Variants in HMCN2 observed in about 807,000 individuals in gnomAD.
The protein encoded by HMCN2 is hemicentin-2.
Under a neutral mutation model 377.5 loss-of-function variants are expected in HMCN2, and 325 were observed. The observed-to-expected ratio is 0.86, with a 90% CI of 0.79 to 0.94. HMCN2 has a LOEUF of 0.94. Among genes scored for constraint, HMCN2 ranks in the 40% least tolerant of loss-of-function variants. The pLI is 0.00. For synonymous variants in HMCN2, 2,007 were observed against 2,046.8 expected (o/e 0.98, Z 0.53); for missense variants, 4,543 against 4,725.3 (o/e 0.96, Z 1.13).
chr9:130,314,970 G>A (rs1340149267), intron 15 of HMCN2, among the ~76,000 whole-genome samples: 1 of 151,934 alleles, frequency 6.6e-6, no homozygotes, highest in Non-Finnish European at 1.5e-5. Context: ...AGCAGCAGGC[G>A]CAGGGGAGTC....
chr9:130,278,100 CATT>C lies in HMCN2; in HGVS notation c.260-6502_260-6500del, dbSNP rs1214419674. ...TCATCATCACCACCACCACTATCAT[CATT>C]GTTTTTTTGTTTGTTTGGTTGGTTG... On this transcript the variant is annotated intron_variant, in intron 1 of 97. Coordinates refer to ENST00000683500, the MANE Select transcript of HMCN2 (RefSeq NM_001291815.2). 2.6e-5 allele frequency among the ~76,000 whole-genome samples: 4 copies of C among 152,152 alleles called. 1 individual carries two copies. The highest frequency in any genetic ancestry group is 9.7e-5 in the African/African-American group (4 of 41,426).
At chr9:130,343,656 C>T (rs999735371) in intron 25 of HMCN2, among the ~76,000 whole-genome samples, 2 of 152,190 alleles carry the variant, frequency 1.3e-5, no homozygotes, top group African/African-American at 4.8e-5. Context: ...GGGACCCACC[C>T]AGCCCCTGAC....
At position 130,428,338 on chromosome 9, in the gene HMCN2, C is replaced by T; in HGVS notation, c.14066-20C>T. On this transcript the variant is annotated intron_variant, in intron 92 of 97. Transcript: ENST00000683500. This position sits in a 1 kb window ranked among gnomAD's most constrained non-coding sequence, Gnocchi z 5.0. ...CTGGGGATCATGTTCACACAGCCGT[C>T]TGCCCTGATCTGCCCCCAGATGTGG... 6.5e-7 allele frequency: 1 copy of T among 1,532,506 alleles called. No individual in the cohort carries two copies. The highest frequency in any genetic ancestry group is 1.2e-5 in the South Asian group (1 of 82,652). 94.9% of individuals were successfully genotyped at this position (1,532,506 alleles called of 1,614,324 possible). A position where few individuals can be genotyped will look rare whatever the true frequency, so the allele number is the denominator to read the frequency against.
At chr9:130,325,049 T>A (rs1838054876) in intron 19 of HMCN2, among the ~76,000 whole-genome samples, 1 of 151,450 alleles carries the variant, frequency 6.6e-6, no homozygotes. Context: ...TCCCCCAACC[T>A]GGCAACCACT....
intron 1 of HMCN2, among the ~76,000 whole-genome samples, chr9:130,268,365 A>C (rs1309820460): frequency 1.6e-5 from 2 of 124,374 alleles, no homozygotes; most frequent in Admixed American, 7.7e-5. Flanking sequence ...TTAGCTTCCG[A>C]GTGACACCCC....
intron 43 of HMCN2, among the ~76,000 whole-genome samples, chr9:130,366,388 T>G (rs927595620): frequency 6.6e-6 from 1 of 152,000 alleles, no homozygotes; most frequent in Non-Finnish European, 1.5e-5. Context: ...TGAGGCACCA[T>G]GTTGACCACC....
In HMCN2 at chr9:130,303,535, G is replaced by T; in HGVS notation, c.1470G>T (p.Glu490Asp). ...SWEILRASKA[E>D]EGTYECTAVS... ...AGATCCTGCGGGCCTCCAAGGCCGA[G>T]GAGGGCACGTACGAGTGCACAGCCG... The change falls in exon 10 of 98, where the codon GAG becomes GAT. Residue 490 changes from glutamate to aspartate, a missense_variant. Transcript: ENST00000683500. This position sits in a 1 kb window ranked among gnomAD's most constrained non-coding sequence, Gnocchi z 5.2. The T allele has an allele frequency of 4.6e-6, 2 of 435,770 alleles. No homozygotes were observed. Among genetic ancestry groups the T allele is most frequent in the African/African-American group, 2.0e-5 (1 of 48,784 alleles). The allele number at this position is 435,770 out of a possible 1,614,324, so 27.0% of individuals were successfully genotyped here.
rs1479021829 is a variant in HMCN2 at position 130,416,096 on chromosome 9, CTTTA to C, written c.12962-2672_12962-2669del. ...CTGTTCTTATCCAAAGTTCTAGAGG[CTTTA>C]TTTTTTTTTTTTTTTTTTTTTGGAG... On this transcript the variant is annotated intron_variant, in intron 85 of 97. Coordinates refer to ENST00000683500, the MANE Select transcript of HMCN2 (RefSeq NM_001291815.2). Among the ~76,000 whole-genome samples, 274 of 91,904 alleles carry C rather than the reference CTTTA, an allele frequency of 3.0e-3. 5 individuals are homozygous for C. Among genetic ancestry groups the C allele is most frequent in the African/African-American group, 0.011 (254 of 22,884 alleles). The allele number at this position is 91,904 out of a possible 152,430, so 60.3% of individuals were successfully genotyped here.
chr9:130,351,374 A>G lies in HMCN2; in HGVS notation c.4431-49A>G, dbSNP rs556236187. 3.5e-3 allele frequency: 4,431 copies of G among 1,271,830 alleles called. 12 individuals carry two copies. Among genetic ancestry groups the G allele is most frequent in the Admixed American group, 5.1e-3 (213 of 41,982 alleles). 78.8% of individuals were successfully genotyped at this position (1,271,830 alleles called of 1,614,324 possible). ...ACACTCCCTGTGTGCAGCGTGTCCC[A>G]TCCAGCCCCTCGGCCTTACTGGCGC... On this transcript the variant is annotated intron_variant, in intron 29 of 97. Transcript: ENST00000683500. This position sits in a 1 kb window ranked among gnomAD's most constrained non-coding sequence, Gnocchi z 5.4.
Position 130,368,345 on chromosome 9 carries a change from G to C in HMCN2, c.6695G>C (p.Gly2232Ala). Residue 2232 changes from glycine (G) to alanine (A), a missense_variant, in exon 44 of 98, where the codon GGA becomes GCA. By Grantham distance (60) the Gly-to-Ala change is moderately conservative. Transcript: ENST00000683500. ...VSAVGRLLYL[G>A]QAQLAQEGTY... ...GCTGTGGGGAGGCTGTTGTACCTGG[G>C]ACAGGCCCAGCTGGCTCAGGAAGGA... 1 of 985,814 alleles carries C rather than the reference G, an allele frequency of 1.0e-6. No individual in the cohort carries two copies. The highest frequency in any genetic ancestry group is 1.2e-6 in the Non-Finnish European group (1 of 829,968). 61.1% of individuals were successfully genotyped at this position (985,814 alleles called of 1,614,324 possible). A position where few individuals can be genotyped will look rare whatever the true frequency, so the allele number is the denominator to read the frequency against.
At chr9:130,427,256 G>A in intron 90 of HMCN2, 57 bp from the exon 91 acceptor site, 1 of 1,527,234 alleles carries the variant, frequency 6.5e-7, no homozygotes, top group Non-Finnish European at 8.9e-7. Flanking sequence ...TATGGCCAGG[G>A]CAGCCTTGGG....
chr9:130,345,669 G>C (rs905585232), intron 25 of HMCN2, among the ~76,000 whole-genome samples: 2 of 151,746 alleles, frequency 1.3e-5, no homozygotes, highest in Non-Finnish European at 2.9e-5. Context: ...AGTGGGGAGT[G>C]GGGGTAGCAG....
At position 130,368,287 on chromosome 9, in the gene HMCN2, C is replaced by T; in HGVS notation, c.6637C>T (p.Pro2213Ser). ...ISWRKDGQPL[P>S]GEGAGLQHVS... ...TTTCCTGCACCCAGGTCAACCCCTCCCCGGGGAGGGGGCTGGCCTCCAGCA... is the reference window on the plus strand; with the variant it reads ...TTTCCTGCACCCAGGTCAACCCCTCTCCGGGGAGGGGGCTGGCCTCCAGCA... Residue 2213 changes from proline to serine, a missense_variant, in exon 44 of 98, where the codon CCC becomes TCC. Transcript: ENST00000683500. 1.0e-6 allele frequency: 1 copy of T among 985,708 alleles called. No individual in the cohort carries two copies. Among genetic ancestry groups the T allele is most frequent in the Non-Finnish European group, 1.2e-6 (1 of 829,918 alleles). The allele number at this position is 985,708 out of a possible 1,614,324, so 61.1% of individuals were successfully genotyped here. A position where few individuals can be genotyped will look rare whatever the true frequency, so the allele number is the denominator to read the frequency against.
chr9:130,340,214 G>GA (rs1266134446), intron 23 of HMCN2, among the ~76,000 whole-genome samples: 1 of 152,390 alleles, frequency 6.6e-6, no homozygotes, highest in East Asian at 1.9e-4. Context: ...CAGCCAGGGG[G>GA]AGGGAAGGAC....
chr9:130,395,101 G>T lies in HMCN2; in HGVS notation c.10767G>T (p.Arg3589Ser), dbSNP rs774400478. 3 of 1,157,106 alleles carry T rather than the reference G, an allele frequency of 2.6e-6. No homozygotes were observed. In the South Asian group the frequency reaches 3.9e-5, roughly 15 times the overall value. The allele number at this position is 1,157,106 out of a possible 1,614,324, so 71.7% of individuals were successfully genotyped here. A position where few individuals can be genotyped will look rare whatever the true frequency, so the allele number is the denominator to read the frequency against. Residue 3589 changes from arginine (R) to serine (S), a missense_variant, in exon 70 of 98, where the codon AGG (arginine) becomes AGT (serine). Transcript: ENST00000683500. ...CAATTGAGAAGAGCTTCCGGGTCAG[G>T]GTTCAAGGTAGGTGGTGGGGGTGGG... is the stretch of plus-strand genomic sequence containing the variant. The part of the protein sequence containing the change: ...AGAIEKSFRV[R>S]VQAPPNIVGP...
chr9:130,292,856 G>A (rs1312589702), intron 4 of HMCN2, among the ~76,000 whole-genome samples: 1 of 152,136 alleles, frequency 6.6e-6, no homozygotes, highest in Non-Finnish European at 1.5e-5. Context: ...ACTTCTCCAA[G>A]GAACCCTCGT....
chr9:130,341,329 G>A lies in HMCN2; in HGVS notation c.3706G>A (p.Gly1236Arg), dbSNP rs1457750036. 6.6e-6 allele frequency: 1 copy of A among 152,298 alleles called. No individual in the cohort carries two copies. The highest frequency in any genetic ancestry group is 6.5e-5 in the Admixed American group (1 of 15,290). The allele number at this position is 152,298 out of a possible 1,614,324, so 9.4% of individuals were successfully genotyped here. A position where few individuals can be genotyped will look rare whatever the true frequency, so the allele number is the denominator to read the frequency against. The change falls in exon 24 of 98, where the codon GGG (glycine) becomes AGG (arginine). Residue 1236 changes from glycine (G) to arginine (R), a missense_variant. Physicochemically the swap from Gly to Arg is moderately radical, Grantham distance 125. Transcript: ENST00000683500. ...RYRCEASNSA[G>R]VDAWEVELRV... ...CCGCTGTGAAGCCTCCAACAGCGCC[G>A]GGGTGGATGCCTGGGAGGTGGAGCT...
chr9:130,285,746 C>T (rs1304898762), intron 3 of HMCN2, among the ~76,000 whole-genome samples: 1 of 152,116 alleles, frequency 6.6e-6, no homozygotes, highest in African/African-American at 2.4e-5. Context: ...GGAGAGGGGA[C>T]CTGATCAAGG....
At chr9:130,288,075 G>A (rs1326762631) in intron 4 of HMCN2, among the ~76,000 whole-genome samples, 2 of 152,204 alleles carry the variant, frequency 1.3e-5, no homozygotes, top group East Asian at 3.8e-4. Flanking sequence ...TTTTACAGTG[G>A]AAGGATGGGT....
Sources: allele counts gnomAD v4.1 joint callset (sites outside exome capture counted in the v4.1 genomes callset), GRCh38; gene constraint gnomAD v4.1.1; non-coding constraint Gnocchi (gnomAD v3.1); transcripts MANE v1.5; gene names NCBI Gene and HGNC (gene_info 2026-07-23, HGNC 2026-07-21).